The following ATRNL1 variants were observed in gnomAD, a reference collection of about 807,000 sequenced individuals.
ATRNL1 encodes attractin like 1, also known as attractin-like protein 1.
A neutral mutation model predicts 182.7 loss-of-function variants in ATRNL1; 95 were observed. The observed-to-expected ratio is 0.52, with a 90% CI of 0.44 to 0.62. The LOEUF (loss-of-function observed/expected upper bound fraction) is 0.62, where lower values mean the gene tolerates loss of function less well. Among genes scored for constraint, ATRNL1 ranks in the 20% least tolerant of loss-of-function variants. ATRNL1 has a pLI of 0.00. For missense variants in ATRNL1, 1,471 were observed against 1,679.5 expected, an observed-to-expected ratio of 0.88 and a Z score of 2.17; for synonymous variants, 576 against 568.3, an observed-to-expected ratio of 1.01 and a Z score of -0.19.
chr10:115,398,637 C>T (rs1844404342), intron 20 of ATRNL1, among the ~76,000 whole-genome samples: 1 of 152,036 alleles, frequency 6.6e-6, no homozygotes, highest in South Asian at 2.1e-4. Flanking sequence ...GATGTAGGAT[C>T]ATGTTGTCTG....
chr10:115,137,325 A>T (rs1259348870), intron 5 of ATRNL1, among the ~76,000 whole-genome samples: 1 of 152,234 alleles, frequency 6.6e-6, no homozygotes, highest in Non-Finnish European at 1.5e-5. Context: ...TCATTATAGA[A>T]TTCTCATTGT....
At chr10:115,397,100 G>T (rs1421170745) in intron 20 of ATRNL1, among the ~76,000 whole-genome samples, 5 of 151,624 alleles carry the variant, frequency 3.3e-5, no homozygotes, top group Non-Finnish European at 5.9e-5. Flanking sequence ...TATTTTTAGA[G>T]CAATTAATTG....
chr10:115,398,732 A>T (rs1205549328), intron 20 of ATRNL1, among the ~76,000 whole-genome samples: 3 of 151,974 alleles, frequency 2.0e-5, no homozygotes, highest in African/African-American at 7.2e-5. Context: ...TGAGAACTTC[A>T]GATACTATGT....
intron 7 of ATRNL1, among the ~76,000 whole-genome samples, chr10:115,167,329 A>G (rs550005056): frequency 1.4e-3 from 214 of 152,144 alleles, no homozygotes; most frequent in African/African-American, 4.8e-3. Context: ...GAAGTTAAGA[A>G]GTGTGATACT....
chr10:115,445,182 A>G (rs1846898389), intron 21 of ATRNL1, among the ~76,000 whole-genome samples: 1 of 150,904 alleles, frequency 6.6e-6, no homozygotes, highest in Non-Finnish European at 1.5e-5. Context: ...TAATCCTAGC[A>G]CTTTGGGAGA....
intron 9 of ATRNL1, among the ~76,000 whole-genome samples, chr10:115,235,151 G>A (rs1252835239): frequency 2.6e-5 from 4 of 152,034 alleles, no homozygotes; most frequent in Non-Finnish European, 4.4e-5. Flanking sequence ...TTCACATTTT[G>A]TATTTTTGTT....
chr10:115,683,926 A>G (rs1398999669), intron 26 of ATRNL1, among the ~76,000 whole-genome samples: 4 of 151,820 alleles, frequency 2.6e-5, no homozygotes, highest in South Asian at 2.1e-4. Flanking sequence ...GCTCTGCCTA[A>G]GAAAATTTTC....
intron 18 of ATRNL1, among the ~76,000 whole-genome samples, chr10:115,319,482 G>A (rs1175087060): frequency 1.3e-5 from 2 of 152,056 alleles, no homozygotes; most frequent in Non-Finnish European, 2.9e-5. Context: ...TTGACAGTGG[G>A]GTGTTAAAGT....
intron 26 of ATRNL1, among the ~76,000 whole-genome samples, chr10:115,621,631 C>T (rs1445489964): frequency 1.3e-5 from 2 of 151,902 alleles, no homozygotes; most frequent in African/African-American, 2.4e-5. Context: ...GTAATTTCCT[C>T]ATCAGTTTAA....
At chr10:115,271,610 A>G (rs1851870150) in intron 13 of ATRNL1, among the ~76,000 whole-genome samples, 1 of 152,202 alleles carries the variant, frequency 6.6e-6, no homozygotes, top group Admixed American at 6.5e-5. Context: ...AAAGACTTGG[A>G]ACCAACCCAG....
chr10:115,616,253 G>A (rs1375337272), intron 26 of ATRNL1, among the ~76,000 whole-genome samples: 1 of 152,146 alleles, frequency 6.6e-6, no homozygotes, highest in African/African-American at 2.4e-5. Flanking sequence ...TAGGTTATCT[G>A]GTGGAAGAAA....
chr10:115,210,415 T>G (rs1341034634), intron 8 of ATRNL1, among the ~76,000 whole-genome samples: 3 of 151,884 alleles, frequency 2.0e-5, no homozygotes, highest in African/African-American at 7.2e-5. Flanking sequence ...CCCACCACAG[T>G]TAAGATACAG....
At chr10:115,849,124 A>T (rs1429632904) in intron 28 of ATRNL1, among the ~76,000 whole-genome samples, 5 of 152,184 alleles carry the variant, frequency 3.3e-5, no homozygotes, top group Non-Finnish European at 7.4e-5. Flanking sequence ...CTTCAGATTC[A>T]TCATTCATGG....
intron 27 of ATRNL1, among the ~76,000 whole-genome samples, chr10:115,770,134 G>C (rs1360392721): frequency 1.3e-5 from 2 of 151,426 alleles, no homozygotes; most frequent in African/African-American, 4.9e-5. Flanking sequence ...TTACCTGAAG[G>C]GTTTTTTTTT....
At chr10:115,905,336 T>G (rs1555114314) in intron 28 of ATRNL1, among the ~76,000 whole-genome samples, 1 of 151,694 alleles carries the variant, frequency 6.6e-6, no homozygotes, top group East Asian at 1.9e-4. Flanking sequence ...TCCTCGTACC[T>G]CAGCCTCCCG....
At chr10:115,218,777 T>C (rs782585465) in intron 9 of ATRNL1, among the ~76,000 whole-genome samples, 2 of 152,196 alleles carry the variant, frequency 1.3e-5, no homozygotes, top group Admixed American at 6.5e-5. Context: ...TTGAGCAGGT[T>C]GAATATGTCA....
At chr10:115,794,434 A>T (rs1454186055) in intron 27 of ATRNL1, among the ~76,000 whole-genome samples, 1 of 152,194 alleles carries the variant, frequency 6.6e-6, no homozygotes, top group East Asian at 1.9e-4. Flanking sequence ...CAATTTTTCC[A>T]TTTACAGCAA....
chr10:115,928,721 AT>A (rs1179191293), intron 28 of ATRNL1, among the ~76,000 whole-genome samples: 4 of 151,880 alleles, frequency 2.6e-5, no homozygotes, highest in African/African-American at 7.2e-5. Flanking sequence ...ATAGAGAAGT[AT>A]TTTGCTTCTG....
At chr10:115,595,041 T>C (rs1856149068) in intron 26 of ATRNL1, among the ~76,000 whole-genome samples, 2 of 152,204 alleles carry the variant, frequency 1.3e-5, no homozygotes, top group African/African-American at 2.4e-5. Context: ...TGGACACTTC[T>C]GTGTAACCAT....
Sources: allele counts gnomAD v4.1 joint callset (sites outside exome capture counted in the v4.1 genomes callset), GRCh38; gene constraint gnomAD v4.1.1; transcripts MANE v1.5; gene names NCBI Gene and HGNC (gene_info 2026-07-23, HGNC 2026-07-21).